SEMA5B: variants seen among roughly 807,000 people sequenced by gnomAD.
The protein encoded by SEMA5B is semaphorin-5B.
In SEMA5B, 66 loss-of-function variants were observed where a neutral mutation model predicts 135.0. The ratio of observed to expected loss-of-function variants is 0.49; its 90% CI spans 0.40 to 0.60. The LOEUF (loss-of-function observed/expected upper bound fraction) is 0.60. Among genes scored for constraint, SEMA5B ranks in the 20% least tolerant of loss-of-function variants. The pLI is 0.00. For synonymous variants in SEMA5B, 690 were observed against 639.5 expected (o/e 1.08, Z -1.19); for missense variants, 1,501 against 1,566.3 (o/e 0.96, Z 0.70).
intron 4 of SEMA5B, among the ~76,000 whole-genome samples, chr3:122,940,417 G>C (rs1036646008): frequency 6.6e-6 from 1 of 152,188 alleles, no homozygotes; most frequent in Admixed American, 6.5e-5. Flanking sequence ...ACAGAGGAAT[G>C]GTGTGATGCA....
In SEMA5B at chr3:122,912,014, G is replaced by C; in HGVS notation, c.2952C>G (p.Ser984Arg). 1.2e-6 allele frequency: 2 copies of C among 1,613,768 alleles called. No homozygotes were observed. Among genetic ancestry groups the C allele is most frequent in the Non-Finnish European group, 1.7e-6 (2 of 1,179,820 alleles). Residue 984 changes from serine (S) to arginine (R), a missense_variant, in exon 20 of 23, where the codon AGC becomes AGG. Ser to Arg is a moderately radical substitution (Grantham distance 110). Coordinates refer to ENST00000357599, the MANE Select transcript of SEMA5B (RefSeq NM_001031702.4). ...WSKCTDDGAQ[S>R]RSRHCEELLP... is the part of the protein sequence containing the mutation. Reference sequence around the variant, plus strand: ...GGAGCTCCTCACAGTGCCGGCTTCGGCTCTGGGCTCCGTCGTCAGTGCACT... The same window carrying C: ...GGAGCTCCTCACAGTGCCGGCTTCGCCTCTGGGCTCCGTCGTCAGTGCACT...
chr3:123,018,269 A>T (rs1942605123), intron 1 of SEMA5B, among the ~76,000 whole-genome samples: 1 of 152,260 alleles, frequency 6.6e-6, no homozygotes, highest in Admixed American at 6.5e-5. Context: ...GAAGATGCTC[A>T]TTCTAGAAAA....
chr3:123,027,213 T>A (rs1226275048), intron 1 of SEMA5B: 1 of 152,388 alleles, frequency 6.6e-6, no homozygotes, highest in African/African-American at 2.4e-5. Context: ...CAGGGCCCAG[T>A]GCAACCCGGA....
intron 12 of SEMA5B, among the ~76,000 whole-genome samples, chr3:122,920,345 G>A (rs530869543): frequency 4.9e-4 from 74 of 152,314 alleles, no homozygotes; most frequent in Non-Finnish European, 8.2e-4. Flanking sequence ...ACTCCCTGGT[G>A]GAGTATAAAA....
intron 1 of SEMA5B, among the ~76,000 whole-genome samples, chr3:122,984,644 TGG>T (rs757387433): frequency 2.0e-5 from 3 of 152,130 alleles, no homozygotes; most frequent in Non-Finnish European, 2.9e-5. Flanking sequence ...ATTTGGGTAA[TGG>T]GTACGCTAGA....
At chr3:122,986,666 G>A (rs1000510345) in intron 1 of SEMA5B, among the ~76,000 whole-genome samples, 7 of 151,186 alleles carry the variant, frequency 4.6e-5, no homozygotes, top group South Asian at 2.1e-4. Context: ...TCCCTGCAAT[G>A]CAAATGGTGG....
intron 1 of SEMA5B, among the ~76,000 whole-genome samples, chr3:123,019,372 G>A (rs183930130): frequency 4.6e-5 from 7 of 152,312 alleles, no homozygotes; most frequent in African/African-American, 1.7e-4. Context: ...AAGGGAGGTA[G>A]ATCACTTGAG....
intron 1 of SEMA5B, among the ~76,000 whole-genome samples, chr3:122,966,630 C>T (rs964476539): frequency 1.3e-5 from 2 of 150,326 alleles, no homozygotes; most frequent in African/African-American, 4.9e-5. Flanking sequence ...TCTCAGCTCA[C>T]TGCAAGCTCC....
intron 2 of SEMA5B, among the ~76,000 whole-genome samples, chr3:122,956,174 T>G (rs112055744): frequency 8.5e-5 from 13 of 152,348 alleles, no homozygotes; most frequent in African/African-American, 2.6e-4. Context: ...TCCTGCTATT[T>G]TGGGAAATCT....
chr3:123,016,261 A>C (rs993099861), intron 1 of SEMA5B, among the ~76,000 whole-genome samples: 1 of 152,226 alleles, frequency 6.6e-6, no homozygotes, highest in Non-Finnish European at 1.5e-5. Flanking sequence ...GGAAGACAGT[A>C]TTCTGTAGGA....
intron 1 of SEMA5B, among the ~76,000 whole-genome samples, chr3:122,961,879 T>C (rs370376064): frequency 5.9e-5 from 9 of 152,182 alleles, no homozygotes; most frequent in Non-Finnish European, 1.3e-4. Context: ...CATTCCTCAA[T>C]GGAGGCTCTG....
intron 1 of SEMA5B, among the ~76,000 whole-genome samples, chr3:122,977,943 G>A (rs987007086): frequency 6.6e-6 from 1 of 152,256 alleles, no homozygotes; most frequent in Non-Finnish European, 1.5e-5. Flanking sequence ...CTAAAGGGAT[G>A]TTGGAGGTAG....
intron 1 of SEMA5B, among the ~76,000 whole-genome samples, chr3:122,971,442 C>T (rs1333586992): frequency 1.3e-5 from 2 of 152,262 alleles, no homozygotes; most frequent in African/African-American, 2.4e-5. Context: ...AGTGTAGACA[C>T]TCATAAAGCA....
intron 1 of SEMA5B, among the ~76,000 whole-genome samples, chr3:123,003,726 C>T (rs963295728): frequency 6.6e-6 from 1 of 152,152 alleles, no homozygotes; most frequent in African/African-American, 2.4e-5. Flanking sequence ...GCCAGCCACT[C>T]AGGAGGCTGA....
chr3:122,965,351 T>C (rs930267517), intron 1 of SEMA5B, among the ~76,000 whole-genome samples: 1 of 152,208 alleles, frequency 6.6e-6, no homozygotes, highest in African/African-American at 2.4e-5. Flanking sequence ...TCTTTTGAAG[T>C]TACAGGTGCC....
At chr3:122,948,435 GC>G (rs1939889510) in intron 3 of SEMA5B, 70 bp downstream of exon 3, 1 of 1,355,308 alleles carries the variant, frequency 7.4e-7, no homozygotes, top group Non-Finnish European at 1.0e-6. Context: ...GAAACATCCT[GC>G]CAAGGTCTGA....
At chr3:122,952,090 T>A (rs1042125489) in intron 2 of SEMA5B, among the ~76,000 whole-genome samples, 1 of 152,148 alleles carries the variant, frequency 6.6e-6, no homozygotes, top group Non-Finnish European at 1.5e-5. Context: ...TTGATCCCCT[T>A]ATCCTCAGGC....
chr3:122,932,210 G>A (rs970157008), intron 5 of SEMA5B, among the ~76,000 whole-genome samples: 5 of 138,914 alleles, frequency 3.6e-5, no homozygotes, highest in Non-Finnish European at 7.7e-5. Flanking sequence ...TTCCCCAAAT[G>A]TCCAACAGGT....
chr3:123,019,632 C>T (rs982953328), intron 1 of SEMA5B, among the ~76,000 whole-genome samples: 5 of 152,038 alleles, frequency 3.3e-5, no homozygotes, highest in African/African-American at 1.2e-4. Flanking sequence ...CATAAGGCAC[C>T]TGAGGATTAA....
Sources: allele counts gnomAD v4.1 joint callset (sites outside exome capture counted in the v4.1 genomes callset), GRCh38; gene constraint gnomAD v4.1.1; transcripts MANE v1.5; gene names NCBI Gene and HGNC (gene_info 2026-07-23, HGNC 2026-07-21).